The following NOL6 variants were observed in gnomAD, a reference collection of about 807,000 sequenced individuals.
NOL6 encodes nucleolar RNA-associated protein.
NOL6 carries 33 observed loss-of-function variants against 131.7 expected under a neutral mutation model. The observed-to-expected ratio is 0.25, with a 90% CI of 0.19 to 0.33. The LOEUF (loss-of-function observed/expected upper bound fraction) is 0.33. Ranked by LOEUF, NOL6 falls within the 10% of genes least tolerant of loss-of-function variation. The probability of loss-of-function intolerance (pLI) is 1.00; values close to 1 mark genes in which losing one functional copy is unlikely to be tolerated. For missense variants in NOL6, 1,297 were observed against 1,494.5 expected, an observed-to-expected ratio of 0.87 and a Z score of 2.18; for synonymous variants, 580 against 605.7, an observed-to-expected ratio of 0.96 and a Z score of 0.62.
Position 33,467,187 on chromosome 9 carries a change from C to G in NOL6, c.1801G>C (p.Val601Leu). The G allele has an allele frequency of 6.2e-7, 1 of 1,614,178 alleles. No individual in the cohort carries two copies. Among genetic ancestry groups the G allele is most frequent in the South Asian group, 1.1e-5 (1 of 91,078 alleles). ...GACATAGAGGCTGCCTCCCAGACCA[C>G]AGCTTCCCGAATGGCTCCGTCCTGG... Reference protein sequence around the residue: ...RFQDGAIREAVVWEAASMSQK... With the variant: ...RFQDGAIREALVWEAASMSQK... Residue 601 changes from valine to leucine, a missense_variant, in exon 14 of 26, where the codon GTG (valine) becomes CTG (leucine). Val to Leu is a conservative substitution (Grantham distance 32, BLOSUM62 1). Transcript: ENST00000297990. The surrounding 1 kb of genome is among the most constrained non-coding windows in gnomAD (Gnocchi z 4.4).
intron 18 of NOL6, 86 bp from the exon 19 acceptor site, chr9:33,465,983 G>A (rs553207518): frequency 5.2e-5 from 81 of 1,568,902 alleles, no homozygotes; most frequent in Non-Finnish European, 6.0e-5. Flanking sequence ...ATTACCCAGC[G>A]TGGTACCCAC....
chr9:33,469,491 C>T lies in NOL6; in HGVS notation c.727+8G>A, dbSNP rs994137512. On this transcript the variant is annotated splice_region_variant and intron_variant, in intron 5 of 25. Coordinates refer to ENST00000297990, the MANE Select transcript of NOL6 (RefSeq NM_022917.5). ...TGCTATGCCCTCAGCCCAATGTGTG[C>T]CTCTCACCACGCGGCCGCAGCAACA... 1 of 1,599,498 alleles carries T rather than the reference C, an allele frequency of 6.3e-7. No homozygotes were observed. Among genetic ancestry groups the T allele is most frequent in the Non-Finnish European group, 8.5e-7 (1 of 1,173,398 alleles).
At position 33,461,518 on chromosome 9, in the gene NOL6, C is replaced by G. The variant is rs1309818303; in HGVS notation, c.*1146G>C. The stretch of plus-strand genomic sequence containing the variant: ...CTGTTGCCCAGATTGGTCTAGAACT[C>G]CTGAGCTCAAGTGATTCTCCTGACT... On this transcript the variant is annotated 3_prime_UTR_variant, in exon 26 of 26. Transcript: ENST00000297990. 1 of 152,214 alleles carries G rather than the reference C, an allele frequency of 6.6e-6. No individual in the cohort carries two copies. Among genetic ancestry groups the G allele is most frequent in the South Asian group, 2.1e-4 (1 of 4,830 alleles). 9.4% of individuals were successfully genotyped at this position (152,214 alleles called of 1,614,324 possible). A position where few individuals can be genotyped will look rare whatever the true frequency, so the allele number is the denominator to read the frequency against.
chr9:33,473,886 G>C lies in NOL6; in HGVS notation c.-44C>G. The C allele has an allele frequency of 6.2e-7, 1 of 1,606,402 alleles. No individual in the cohort carries two copies. The highest frequency in any genetic ancestry group is 8.5e-7 in the Non-Finnish European group (1 of 1,178,594). ...CTCCCGCACTTCAGATTCTAGCCGG[G>C]TCTATACCTCATAGCTTCCCACGTG... On this transcript the variant is annotated 5_prime_UTR_variant, in exon 1 of 26. Coordinates refer to ENST00000297990, the MANE Select transcript of NOL6 (RefSeq NM_022917.5).
At chr9:33,469,688 G>A in intron 4 of NOL6, 21 bp from the exon 5 acceptor site, 2 of 1,599,512 alleles carry the variant, frequency 1.3e-6, no homozygotes, top group Admixed American at 1.8e-5. Context: ...CAGGGGAGAA[G>A]AGAAGGCCAG....
rs1827289210 is a variant in NOL6, at chr9:33,467,808, C to T, written c.1485G>A (p.Leu495=). ...ACHRLKLWPE[L]QDNGGDYVSA... ...AGACATAGTCCCCACCATTGTCCTG[C>T]AGCTCTGGCCAGAGCTTCAGCCGGT... The change falls in exon 12 of 26, where the codon CTG becomes CTA. Residue 495 remains leucine, a synonymous_variant. Coordinates refer to ENST00000297990, the MANE Select transcript of NOL6 (RefSeq NM_022917.5). The surrounding 1 kb of genome is among the most constrained non-coding windows in gnomAD (Gnocchi z 4.4). 1.2e-6 allele frequency: 2 copies of T among 1,609,194 alleles called. No individual in the cohort carries two copies. Among genetic ancestry groups the T allele is most frequent in the Non-Finnish European group, 1.7e-6 (2 of 1,177,914 alleles).
In NOL6 at chr9:33,464,316, C is replaced by G. The variant is rs527636545; in HGVS notation, c.2780-155G>C. On this transcript the variant is annotated intron_variant, in intron 21 of 25. Transcript: ENST00000297990. The stretch of plus-strand genomic sequence containing the variant: ...GTGGCAAAGGTGACGAAAGGGACAT[C>G]GCATTTGCCTCAACTGGGTGGGGCA... Among the ~76,000 whole-genome samples, 7 of 152,164 alleles carry G rather than the reference C, an allele frequency of 4.6e-5. No homozygotes were observed. In the South Asian group the frequency reaches 1.5e-3, roughly 32 times the overall value.
chr9:33,462,020 C>T lies in NOL6; in HGVS notation c.*644G>A, dbSNP rs1238371629. 2 of 659,828 alleles carry T rather than the reference C, an allele frequency of 3.0e-6. No individual in the cohort carries two copies. Among genetic ancestry groups the T allele is most frequent in the Non-Finnish European group, 2.8e-6 (1 of 353,510 alleles). 40.9% of individuals were successfully genotyped at this position (659,828 alleles called of 1,614,324 possible). On this transcript the variant is annotated 3_prime_UTR_variant, in exon 26 of 26. Coordinates refer to ENST00000297990, the MANE Select transcript of NOL6 (RefSeq NM_022917.5). ...TCTCCAAGATTGGGTGACTACCAGT[C>T]CCCTGACCCCTTCACCTACCCAATC...
Position 33,471,991 on chromosome 9 carries a change from G to A in NOL6, c.378+13C>T. ...TCTCTTGGGCTTCCCAGTTCCCCAG[G>A]CCACTTGCTTACCTCTGTCTCAGGG... On this transcript the variant is annotated intron_variant, in intron 3 of 25. Coordinates refer to ENST00000297990, the MANE Select transcript of NOL6 (RefSeq NM_022917.5). The A allele has an allele frequency of 6.3e-7, 1 of 1,591,618 alleles. No homozygotes were observed. The highest frequency in any genetic ancestry group is 8.6e-7 in the Non-Finnish European group (1 of 1,161,500).
intron 3 of NOL6, 49 bp downstream of exon 3, chr9:33,471,955 C>A: frequency 7.8e-7 from 1 of 1,275,790 alleles, no homozygotes; most frequent in Non-Finnish European, 1.1e-6. Context: ...GATATACCCC[C>A]ACTGGAGGTC....
intron 4 of NOL6, 144 bp from the exon 5 acceptor site, chr9:33,469,811 T>C: frequency 9.0e-7 from 1 of 1,107,088 alleles, no homozygotes; most frequent in African/African-American, 1.6e-5. Context: ...GGCCCAGTTC[T>C]CATATCTGGA....
chr9:33,464,013 T>C (rs1827172111), intron 22 of NOL6, 24 bp downstream of exon 22: 1 of 1,612,620 alleles, frequency 6.2e-7, no homozygotes, highest in Non-Finnish European at 8.5e-7. Flanking sequence ...AACCACACAT[T>C]AGGGGGCAGG....
At chr9:33,473,165 A>C (rs1209586415) in intron 1 of NOL6, among the ~76,000 whole-genome samples, 1 of 150,734 alleles carries the variant, frequency 6.6e-6, no homozygotes. Context: ...TTTACACTAA[A>C]TACTCACTGA....
chr9:33,472,526 T>C, intron 1 of NOL6, 114 bp from the exon 2 acceptor site: 1 of 791,582 alleles, frequency 1.3e-6, no homozygotes, highest in Non-Finnish European at 2.1e-6. Flanking sequence ...GTCCCTCTTT[T>C]GAGTAGGAGT....
intron 20 of NOL6, 112 bp from the exon 21 acceptor site, chr9:33,465,088 A>T: frequency 6.9e-7 from 1 of 1,457,616 alleles, no homozygotes; most frequent in Non-Finnish European, 9.4e-7. Flanking sequence ...AGGGCATCTT[A>T]GAACCCCTTC....
At position 33,464,969 on chromosome 9, in the gene NOL6, G is replaced by C; in HGVS notation, c.2689C>G (p.Gln897Glu). The change falls in exon 21 of 26, where the codon CAG becomes GAG. Residue 897 changes from glutamine (Q) to glutamate (E), a missense_variant. By Grantham distance (29) the Gln-to-Glu change is conservative. Transcript: ENST00000297990. ...AAAAGGAATCGAAGGAAGCCAACCT[G>C]GGGGGAACTAAAGGGCTGGAGTAAG... ...PEPFTPPSSP[Q>E]VGFLRFLFLV... The C allele has an allele frequency of 1.9e-6, 3 of 1,612,628 alleles. No individual in the cohort carries two copies. The highest frequency in any genetic ancestry group is 2.5e-6 in the Non-Finnish European group (3 of 1,178,836).
rs758788454 is a variant in NOL6, at chr9:33,465,301, G to A, written c.2587C>T (p.Arg863Cys). ...AAACCCTCACCAAGAAGCTGGGCAC[G>A]CACCCACCGCTTGGCCAGCCGTGCC... is the stretch of plus-strand genomic sequence containing the variant. ...GVARLAKRWV[R>C]AQLLGEGFAD... is the part of the protein sequence containing the mutation. The change falls in exon 20 of 26, where the codon CGT becomes TGT. Residue 863 changes from arginine (R) to cysteine (C), a missense_variant. Physicochemically the swap from Arg to Cys is radical, Grantham distance 180. Coordinates refer to ENST00000297990, the MANE Select transcript of NOL6 (RefSeq NM_022917.5). The A allele has an allele frequency of 1.0e-5, 16 of 1,589,826 alleles. No homozygotes were observed. Among genetic ancestry groups the A allele is most frequent in the East Asian group, 2.3e-5 (1 of 43,708 alleles).
chr9:33,469,854 G>A (rs756765908), intron 4 of NOL6, 158 bp downstream of exon 4: 158 of 1,009,432 alleles, frequency 1.6e-4, no homozygotes, highest in Admixed American at 3.0e-4. Context: ...CAACTGGCCC[G>A]AGGGATCTAA....
rs1233923545 is a variant in NOL6 at position 33,465,212 on chromosome 9, A to T, written c.2676T>A (p.Pro892=). Residue 892 remains proline, a synonymous_variant, in exon 20 of 26, where the codon CCT becomes CCA. Coordinates refer to ENST00000297990, the MANE Select transcript of NOL6 (RefSeq NM_022917.5). ...ALFLHPEPFT[P]PSSPQVGFLR... is the part of the protein sequence containing the mutation. ...GAAAAAGTGGAGGGAATCACCTCGG[A>T]GGGGTGAAGGGCTCAGGGTGCAGGA... The T allele has an allele frequency of 1.3e-6, 2 of 1,592,356 alleles. No homozygotes were observed. Among genetic ancestry groups the T allele is most frequent in the Admixed American group, 3.5e-5 (2 of 56,840 alleles).
Sources: allele counts gnomAD v4.1 joint callset (sites outside exome capture counted in the v4.1 genomes callset), GRCh38; gene constraint gnomAD v4.1.1; non-coding constraint Gnocchi (gnomAD v3.1); transcripts MANE v1.5; gene names NCBI Gene and HGNC (gene_info 2026-07-23, HGNC 2026-07-21).